Variants in GNAT3 observed in about 807,000 individuals in gnomAD.
GNAT3 encodes the protein guanine nucleotide-binding protein G(t) subunit alpha-3.
Under a neutral mutation model 37.7 loss-of-function variants are expected in GNAT3, and 31 were observed. The observed-to-expected ratio is 0.82, with a 90% CI of 0.62 to 1.11. GNAT3 has a LOEUF of 1.11. Among genes scored for constraint, GNAT3 ranks in the 50% most tolerant of loss-of-function variants. The pLI is 0.00. For missense variants in GNAT3, 437 were observed against 412.5 expected (o/e 1.06, Z -0.51); for synonymous variants, 138 against 139.8 (o/e 0.99, Z 0.09).
chr7:80,500,674 A>G (rs1291551026), intron 1 of GNAT3, among the ~76,000 whole-genome samples: 1 of 152,086 alleles, frequency 6.6e-6, no homozygotes, highest in Non-Finnish European at 1.5e-5. Context: ...TTGTACCTAC[A>G]GTTTATCTGA....
Position 80,466,498 on chromosome 7 carries a change from AG to A in GNAT3, c.591-3868del, listed in dbSNP as rs560374290. 1.7e-3 allele frequency among the ~76,000 whole-genome samples: 260 copies of A among 152,210 alleles called. 2 individuals carry two copies. The highest frequency in any genetic ancestry group is 3.9e-3 in the South Asian group (19 of 4,816). On this transcript the variant is annotated intron_variant, in intron 5 of 7. Transcript: ENST00000398291. ...GCAGAGTGACCAAATATTTTACCTCAGAGAAAAATCATCTTATTTCTCTCAT... is the reference window on the plus strand; with the variant it reads ...GCAGAGTGACCAAATATTTTACCTCAAGAAAAATCATCTTATTTCTCTCAT...
intron 1 of GNAT3, among the ~76,000 whole-genome samples, chr7:80,509,496 G>A (rs1013407282): frequency 2.0e-5 from 3 of 152,074 alleles, no homozygotes; most frequent in African/African-American, 7.2e-5. Context: ...CCTTGGGAAA[G>A]TAAAACATGT....
At position 80,478,939 on chromosome 7, in the gene GNAT3, A is replaced by C. The variant is rs1675884580; in HGVS notation, c.363T>G (p.Pro121=). 6.2e-7 allele frequency: 1 copy of C among 1,613,200 alleles called. No homozygotes were observed. The highest frequency in any genetic ancestry group is 8.5e-7 in the Non-Finnish European group (1 of 1,179,400). Residue 121 remains proline, a synonymous_variant, in exon 4 of 8, where the codon CCT becomes CCG. Coordinates refer to ENST00000398291, the MANE Select transcript of GNAT3 (RefSeq NM_001102386.3). ...GCCGTTTTATTACCTCAGCCAGTTG[A>C]GGTGTCATGCCACCATCTTCCAGGG... ...ANTLEDGGMT[P]QLAEVIKRLW...
Position 80,478,876 on chromosome 7 carries a change from C to G in GNAT3, c.426G>C (p.Arg142Ser). ...AGTCATTGAGCTGATATTCAGATGCCCTTTCAAAGCAGGCCTGAATTCCTG... is the reference window on the plus strand; with the variant it reads ...AGTCATTGAGCTGATATTCAGATGCGCTTTCAAAGCAGGCCTGAATTCCTG... ...RDPGIQACFE[R>S]ASEYQLNDSA... is the part of the protein sequence containing the mutation. Residue 142 changes from arginine to serine, a missense_variant, in exon 4 of 8, where the codon AGG becomes AGC. Arg to Ser is a moderately radical substitution (Grantham distance 110, BLOSUM62 -1). Coordinates refer to ENST00000398291, the MANE Select transcript of GNAT3 (RefSeq NM_001102386.3). The G allele has an allele frequency of 6.2e-7, 1 of 1,613,198 alleles. No individual in the cohort carries two copies. Among genetic ancestry groups the G allele is most frequent in the Non-Finnish European group, 8.5e-7 (1 of 1,179,446 alleles).
intron 3 of GNAT3, among the ~76,000 whole-genome samples, chr7:80,487,102 T>C (rs139505599): frequency 1.3e-5 from 2 of 152,296 alleles, no homozygotes; most frequent in African/African-American, 4.8e-5. Flanking sequence ...AGCTACTTAA[T>C]GTAAACCAAC....
chr7:80,499,655 A>G (rs953570197), intron 1 of GNAT3, among the ~76,000 whole-genome samples: 2 of 152,214 alleles, frequency 1.3e-5, no homozygotes, highest in African/African-American at 4.8e-5. Flanking sequence ...TTTTGAGCCA[A>G]CTTAATTTTG....
intron 4 of GNAT3, among the ~76,000 whole-genome samples, chr7:80,477,440 C>T (rs1201942731): frequency 6.6e-6 from 1 of 152,074 alleles, no homozygotes; most frequent in Non-Finnish European, 1.5e-5. Context: ...AAAAGTTATT[C>T]AAGTTGATAT....
intron 1 of GNAT3, among the ~76,000 whole-genome samples, chr7:80,497,676 A>G (rs567435714): frequency 0.019 from 1,826 of 95,484 alleles, 314 homozygotes; most frequent in African/African-American, 0.14. Flanking sequence ...ATATACATAC[A>G]TATATACACA....
chr7:80,480,568 C>T (rs957417405), intron 3 of GNAT3, among the ~76,000 whole-genome samples: 5 of 152,088 alleles, frequency 3.3e-5, no homozygotes, highest in African/African-American at 7.2e-5. Context: ...AGAATGGCTA[C>T]TCCATATACA....
intron 1 of GNAT3, among the ~76,000 whole-genome samples, chr7:80,503,501 T>A (rs1390052866): frequency 6.6e-6 from 1 of 152,178 alleles, no homozygotes; most frequent in Non-Finnish European, 1.5e-5. Flanking sequence ...TTCATAAGAT[T>A]TTCTCATAGA....
At chr7:80,494,770 T>C (rs1223659574) in intron 1 of GNAT3, 123 bp from the exon 2 acceptor site, 2 of 613,454 alleles carry the variant, frequency 3.3e-6, no homozygotes, top group Non-Finnish European at 5.8e-6. Context: ...ACAAGTGCAG[T>C]TTTGTTACAT....
At chr7:80,487,704 C>A (rs570182908) in intron 3 of GNAT3, 1 of 152,154 alleles carries the variant, frequency 6.6e-6, no homozygotes, top group African/African-American at 2.4e-5. Context: ...CCAAGAATTA[C>A]GTTGGTAGGC....
chr7:80,467,049 A>G (rs1052990470), intron 5 of GNAT3, among the ~76,000 whole-genome samples: 4 of 152,170 alleles, frequency 2.6e-5, no homozygotes, highest in Admixed American at 1.3e-4. Context: ...AAAATGAAGA[A>G]ACTGGCCTTT....
chr7:80,502,901 C>G (rs1355287068), intron 1 of GNAT3, among the ~76,000 whole-genome samples: 1 of 152,208 alleles, frequency 6.6e-6, no homozygotes, highest in South Asian at 2.1e-4. Context: ...TCCTAACATT[C>G]CTCAAATCTT....
intron 1 of GNAT3, among the ~76,000 whole-genome samples, chr7:80,499,704 A>G (rs1165791192): frequency 6.6e-6 from 1 of 152,162 alleles, no homozygotes; most frequent in Non-Finnish European, 1.5e-5. Context: ...AGTGACATCA[A>G]AATTCTCTGT....
intron 5 of GNAT3, among the ~76,000 whole-genome samples, chr7:80,467,862 A>T (rs774179726): frequency 3.0e-4 from 45 of 152,170 alleles, no homozygotes; most frequent in South Asian, 8.3e-4. Context: ...TAAAATAATA[A>T]ATCTTAACTT....
At chr7:80,489,009 A>C (rs955340633) in intron 2 of GNAT3, among the ~76,000 whole-genome samples, 1 of 152,086 alleles carries the variant, frequency 6.6e-6, no homozygotes, top group African/African-American at 2.4e-5. Flanking sequence ...TCCCAGGACA[A>C]AGATATATAC....
chr7:80,478,746 T>C, intron 4 of GNAT3, 95 bp downstream of exon 4: 1 of 1,199,802 alleles, frequency 8.3e-7, no homozygotes, highest in South Asian at 1.4e-5. Flanking sequence ...CCATTTATTT[T>C]CCTCATTTGA....
In GNAT3 at chr7:80,478,944, T is replaced by C; in HGVS notation, c.358A>G (p.Thr120Ala). 6.2e-7 allele frequency: 1 copy of C among 1,612,938 alleles called. No individual in the cohort carries two copies. The highest frequency in any genetic ancestry group is 8.5e-7 in the Non-Finnish European group (1 of 1,179,184). The change falls in exon 4 of 8, where the codon ACA becomes GCA. Residue 120 changes from threonine (T) to alanine (A), a missense_variant. Coordinates refer to ENST00000398291, the MANE Select transcript of GNAT3 (RefSeq NM_001102386.3). ...TTTATTACCTCAGCCAGTTGAGGTG[T>C]CATGCCACCATCTTCCAGGGTATTT... ...MANTLEDGGM[T>A]PQLAEVIKRL...
Sources: allele counts gnomAD v4.1 joint callset (sites outside exome capture counted in the v4.1 genomes callset), GRCh38; gene constraint gnomAD v4.1.1; transcripts MANE v1.5; gene names NCBI Gene and HGNC (gene_info 2026-07-23, HGNC 2026-07-21).